The following ART3 variants were observed in gnomAD, a reference collection of about 807,000 sequenced individuals.
ART3 encodes the protein ecto-ADP-ribosyltransferase 3.
A neutral mutation model predicts 48.5 loss-of-function variants in ART3; 49 were observed. The ratio of observed to expected loss-of-function variants is 1.01; its 90% CI spans 0.80 to 1.28. The LOEUF (loss-of-function observed/expected upper bound fraction) is 1.28. ART3 is among the 50% of genes most tolerant of loss of function. The pLI is 0.00. For missense variants in ART3, 438 were observed against 454.3 expected, an observed-to-expected ratio of 0.96 and a Z score of 0.33; for synonymous variants, 145 against 157.2, an observed-to-expected ratio of 0.92 and a Z score of 0.58.
chr4:76,048,406 GGGTCAAATT>G (rs1446062006), intron 1 of ART3, among the ~76,000 whole-genome samples: 1 of 151,778 alleles, frequency 6.6e-6, no homozygotes, highest in East Asian at 1.9e-4. Flanking sequence ...CAGGGTTAGT[GGGTCAAATT>G]GGTCCCAATG....
At chr4:76,111,229 C>G (rs184853460) in intron 11 of ART3, among the ~76,000 whole-genome samples, 4 of 152,196 alleles carry the variant, frequency 2.6e-5, no homozygotes, top group Non-Finnish European at 4.4e-5. Flanking sequence ...CACAGTTCTC[C>G]TGTATTTTTT....
At chr4:76,050,509 G>T (rs1309207486) in intron 1 of ART3, among the ~76,000 whole-genome samples, 1 of 152,078 alleles carries the variant, frequency 6.6e-6, no homozygotes, top group Non-Finnish European at 1.5e-5. Flanking sequence ...AGATACAGAG[G>T]GCCGATTGGT....
intron 3 of ART3, among the ~76,000 whole-genome samples, chr4:76,088,563 T>C (rs1334678297): frequency 6.6e-6 from 1 of 152,180 alleles, no homozygotes; most frequent in African/African-American, 2.4e-5. Flanking sequence ...CCAGCCCTTG[T>C]GTGCTTATTA....
At position 76,112,429 on chromosome 4, in the gene ART3, T is replaced by G. The variant is rs763091104; in HGVS notation, c.1080T>G (p.Ser360=). 2 of 1,614,044 alleles carry G rather than the reference T, an allele frequency of 1.2e-6. No homozygotes were observed. The highest frequency in any genetic ancestry group is 2.7e-5 in the African/African-American group (2 of 74,934). Residue 360 remains serine (S), a synonymous_variant, in exon 12 of 12, where the codon TCT becomes TCG. Transcript: ENST00000355810. ...VPVPGPKSHP[S]ASSGKLLLPQ... ...TTCCAGGTCCCAAAAGCCATCCTTCTGCATCCTCGGGCAAACTGCTGCTTC... is the reference window on the plus strand; with the variant it reads ...TTCCAGGTCCCAAAAGCCATCCTTCGGCATCCTCGGGCAAACTGCTGCTTC...
At chr4:76,105,583 C>T (rs1303541883) in intron 10 of ART3, 6 of 1,286,018 alleles carry the variant, frequency 4.7e-6, no homozygotes, top group Non-Finnish European at 6.1e-6. Context: ...GGGGTGGAGG[C>T]ACCATGGATT....
intron 1 of ART3, among the ~76,000 whole-genome samples, chr4:76,040,444 A>ACACACACGCGCG (rs373323505): frequency 2.3e-5 from 3 of 128,930 alleles, no homozygotes; most frequent in African/African-American, 9.2e-5. Context: ...GGATACACAC[A>ACACACACGCGCG]CACACACACA....
At chr4:76,016,146 T>G (rs1392000309) in intron 1 of ART3, among the ~76,000 whole-genome samples, 1 of 152,196 alleles carries the variant, frequency 6.6e-6, no homozygotes, top group Non-Finnish European at 1.5e-5. Context: ...TTAAACATGT[T>G]TTTTCTTCAG....
At chr4:76,060,090 G>A (rs7656736) in intron 1 of ART3, among the ~76,000 whole-genome samples, 5,892 of 152,208 alleles carry the variant, frequency 0.039, 160 homozygotes, top group Non-Finnish European at 0.061. Flanking sequence ...CTTGCATGGA[G>A]TCAGGTCTTA....
intron 9 of ART3, 22 bp from the exon 10 acceptor site, chr4:76,104,575 T>C: frequency 6.4e-7 from 1 of 1,551,560 alleles, no homozygotes; most frequent in Non-Finnish European, 8.7e-7. Flanking sequence ...TGTAAGTCAT[T>C]GGAAACTTCC....
At chr4:76,014,109 C>T (rs1178947711) in intron 1 of ART3, among the ~76,000 whole-genome samples, 1 of 151,878 alleles carries the variant, frequency 6.6e-6, no homozygotes, top group African/African-American at 2.4e-5. Flanking sequence ...GTTCCCCCAC[C>T]GAATGCTTAT....
chr4:76,072,838 T>C (rs1308242490), upstream of ART3, among the ~76,000 whole-genome samples: 2 of 152,128 alleles, frequency 1.3e-5, no homozygotes, highest in Non-Finnish European at 2.9e-5. Flanking sequence ...CATATTCTTG[T>C]CTCAGGGCTT....
chr4:76,099,079 A>G (rs1215651475), intron 5 of ART3, 92 bp downstream of exon 5: 1 of 1,172,398 alleles, frequency 8.5e-7, no homozygotes, highest in Non-Finnish European at 1.3e-6. Context: ...AGGTGAGTGG[A>G]TCACTTGAGC....
At chr4:76,100,918 T>G in intron 7 of ART3, 72 bp from the exon 8 acceptor site, 1 of 1,602,670 alleles carries the variant, frequency 6.2e-7, no homozygotes, top group Non-Finnish European at 8.5e-7. Flanking sequence ...AAAATAATTT[T>G]GCTGTAGCTA....
At chr4:76,061,984 A>G (rs1308070008) in intron 1 of ART3, among the ~76,000 whole-genome samples, 1 of 152,246 alleles carries the variant, frequency 6.6e-6, no homozygotes, top group East Asian at 1.9e-4. Flanking sequence ...TTTCTGGAAT[A>G]GTTTGAGGGT....
chr4:76,045,439 C>T (rs1735409323), intron 1 of ART3, among the ~76,000 whole-genome samples: 1 of 152,006 alleles, frequency 6.6e-6, no homozygotes, highest in Non-Finnish European at 1.5e-5. Context: ...GTAGTCCAGA[C>T]AGTGAGATCC....
chr4:76,060,113 C>A (rs976061584), intron 1 of ART3, among the ~76,000 whole-genome samples: 1 of 152,134 alleles, frequency 6.6e-6, no homozygotes, highest in African/African-American at 2.4e-5. Context: ...AAACTCATTT[C>A]CGTAGTTCCT....
chr4:76,101,425 A>T (rs1478945919), intron 8 of ART3, among the ~76,000 whole-genome samples: 1 of 152,256 alleles, frequency 6.6e-6, no homozygotes, highest in African/African-American at 2.4e-5. Flanking sequence ...TATTTAGTAC[A>T]TTCCAAGTGT....
intron 1 of ART3, among the ~76,000 whole-genome samples, chr4:76,038,080 G>T (rs200837400): frequency 4.0e-5 from 1 of 25,138 alleles, no homozygotes; most frequent in South Asian, 9.8e-4. Context: ...GTTTTAAATT[G>T]TGCACTTTTC....
At chr4:76,069,817 A>T (rs547018676), upstream of ART3, among the ~76,000 whole-genome samples, 6 of 150,682 alleles carry the variant, frequency 4.0e-5, no homozygotes, top group African/African-American at 1.2e-4. Context: ...ATTTATAGAT[A>T]TATTTATATT....
Sources: gnomAD v4.1 joint callset for allele counts (sites outside exome capture counted in the v4.1 genomes callset) on GRCh38, gnomAD v4.1.1 for gene constraint, MANE v1.5 for transcripts, NCBI Gene and HGNC (gene_info 2026-07-23, HGNC 2026-07-21) for gene names.